Variants in CACNB4 observed in about 807,000 individuals in gnomAD.
CACNB4 encodes calcium voltage-gated channel auxiliary subunit beta 4, also known as voltage-dependent L-type calcium channel subunit beta-4.
Under a neutral mutation model 71.2 loss-of-function variants are expected in CACNB4, and 32 were observed. That is an observed-to-expected ratio of 0.45 (90% confidence interval 0.34 to 0.60). The LOEUF (loss-of-function observed/expected upper bound fraction) is 0.60, where lower values mean the gene tolerates loss of function less well. CACNB4 is among the 20% of genes least tolerant of loss of function. The pLI, the probability that CACNB4 is intolerant of heterozygous loss-of-function variation, is 0.01. For synonymous variants in CACNB4, 231 were observed against 236.9 expected (o/e 0.97, Z 0.23); for missense variants, 464 against 647.9 (o/e 0.72, Z 3.08).
In CACNB4 at chr2:152,098,583, C is replaced by T; in HGVS notation, c.64-170G>A. On this transcript the variant is annotated intron_variant, in intron 1 of 13. Coordinates refer to ENST00000539935, the MANE Select transcript of CACNB4 (RefSeq NM_000726.5). This position sits in a 1 kb window ranked among gnomAD's most constrained non-coding sequence, Gnocchi z 5.3. The stretch of plus-strand genomic sequence containing the variant: ...AATACAGCCCCCACCCCCACCCACC[C>T]ACTGCAAGCCTCGACTGCTGAAAAG... 1 of 1,018,186 alleles carries T rather than the reference C, an allele frequency of 9.8e-7. No homozygotes were observed. The highest frequency in any genetic ancestry group is 1.5e-6 in the Non-Finnish European group (1 of 659,028). The allele number at this position is 1,018,186 out of a possible 1,614,324, so 63.1% of individuals were successfully genotyped here. A position where few individuals can be genotyped will look rare whatever the true frequency, so the allele number is the denominator to read the frequency against.
intron 2 of CACNB4, among the ~76,000 whole-genome samples, chr2:151,888,700 G>A (rs1578654134): frequency 6.6e-6 from 1 of 152,162 alleles, no homozygotes; most frequent in African/African-American, 2.4e-5. Flanking sequence ...AGAACGCTGA[G>A]CATCAGTCAG....
chr2:152,003,301 C>T (rs1682531743), intron 2 of CACNB4, among the ~76,000 whole-genome samples: 1 of 152,064 alleles, frequency 6.6e-6, no homozygotes, highest in Admixed American at 6.5e-5. Flanking sequence ...AAAAAATTAG[C>T]CGGGCCTGGT....
chr2:151,982,610 A>C (rs187985940), intron 2 of CACNB4, among the ~76,000 whole-genome samples: 5 of 149,182 alleles, frequency 3.4e-5, no homozygotes, highest in Non-Finnish European at 7.4e-5. Flanking sequence ...TCCAGCCTGG[A>C]CGACAGAGCG....
chr2:151,942,302 T>C (rs112324492), intron 2 of CACNB4, among the ~76,000 whole-genome samples: 3,141 of 149,310 alleles, frequency 0.021, 557 homozygotes, highest in African/African-American at 0.076. Context: ...TTCATTTTAA[T>C]ATGGACATTT....
intron 2 of CACNB4, among the ~76,000 whole-genome samples, chr2:152,073,035 C>T (rs899202237): frequency 2.0e-4 from 30 of 152,214 alleles, no homozygotes; most frequent in African/African-American, 6.0e-4. Flanking sequence ...CTTGAACTTA[C>T]GCTTTTGCTG....
intron 2 of CACNB4, 162 bp from the exon 3 acceptor site, chr2:151,883,532 G>A (rs2099848515): frequency 2.9e-6 from 2 of 681,588 alleles, no homozygotes; most frequent in East Asian, 5.5e-5. Flanking sequence ...ATATAGTTAA[G>A]CATCTGAGTT....
chr2:151,961,356 G>A (rs2099869598), intron 2 of CACNB4, among the ~76,000 whole-genome samples: 1 of 152,172 alleles, frequency 6.6e-6, no homozygotes, highest in Non-Finnish European at 1.5e-5. Flanking sequence ...AGCCCTCTTA[G>A]CTTAGCTTCT....
chr2:151,983,483 T>C (rs2099875070), intron 2 of CACNB4, among the ~76,000 whole-genome samples: 2 of 152,306 alleles, frequency 1.3e-5, no homozygotes, highest in South Asian at 4.1e-4. Context: ...CAGAAGTGAT[T>C]CTTGCATCAA....
chr2:151,960,906 A>G (rs2099869489), intron 2 of CACNB4, among the ~76,000 whole-genome samples: 1 of 152,238 alleles, frequency 6.6e-6, no homozygotes, highest in South Asian at 2.1e-4. Context: ...TGCACATATC[A>G]TACATGTAGA....
At chr2:152,051,250 CT>C (rs199907302) in intron 2 of CACNB4, among the ~76,000 whole-genome samples, 129 of 151,720 alleles carry the variant, frequency 8.5e-4, no homozygotes, top group African/African-American at 2.9e-3. Context: ...TTACTATCAA[CT>C]TTTTTTTTGA....
Position 151,973,596 on chromosome 2 carries a change from C to CGGGG in CACNB4, c.148-90230_148-90227dup. On this transcript the variant is annotated intron_variant, in intron 2 of 13. Coordinates refer to ENST00000539935, the MANE Select transcript of CACNB4 (RefSeq NM_000726.5). Reference sequence around the variant, plus strand: ...CCTGCGTTGCCTAAGAAATAAGAAGCGGGGGGGTGGAGGGGATAGTGGGAG... The same window carrying CGGGG: ...CCTGCGTTGCCTAAGAAATAAGAAGCGGGGGGGGGGGTGGAGGGGATAGTGGGAG... The CGGGG allele has an allele frequency of 5.2e-6, 7 of 1,356,108 alleles. No individual in the cohort carries two copies. The African/African-American group carries it at 5.8e-5, about 11-fold the overall frequency. The allele number at this position is 1,356,108 out of a possible 1,614,324, so 84.0% of individuals were successfully genotyped here. A position where few individuals can be genotyped will look rare whatever the true frequency, so the allele number is the denominator to read the frequency against.
At chr2:151,925,483 T>C (rs1176463521) in intron 2 of CACNB4, among the ~76,000 whole-genome samples, 1 of 152,174 alleles carries the variant, frequency 6.6e-6, no homozygotes, top group Non-Finnish European at 1.5e-5. Flanking sequence ...CAAGTTAATG[T>C]TTTTGCTGCT....
At chr2:151,878,550 T>TACATAC (rs1553758251) in intron 4 of CACNB4, among the ~76,000 whole-genome samples, 2 of 129,878 alleles carry the variant, frequency 1.5e-5, no homozygotes, top group African/African-American at 5.8e-5. Context: ...AGACCCTGTC[T>TACATAC]ACACACACAC....
chr2:151,900,991 C>CT (rs869114252), intron 2 of CACNB4, among the ~76,000 whole-genome samples: 344 of 9,030 alleles, frequency 0.038, 3 homozygotes, highest in African/African-American at 0.085. Flanking sequence ...TTCTTTCTTT[C>CT]TTTTTTTTTT....
intron 2 of CACNB4, among the ~76,000 whole-genome samples, chr2:152,069,319 G>T (rs1334319167): frequency 6.6e-6 from 1 of 152,000 alleles, no homozygotes; most frequent in Non-Finnish European, 1.5e-5. Flanking sequence ...CAGAAACATG[G>T]GATAAAACAA....
intron 2 of CACNB4, among the ~76,000 whole-genome samples, chr2:151,996,639 A>G (rs944800959): frequency 6.6e-6 from 1 of 152,168 alleles, no homozygotes; most frequent in Non-Finnish European, 1.5e-5. Flanking sequence ...ATAGCCCAAT[A>G]TCCCCTCCTG....
chr2:151,869,503 C>T (rs1339309024), intron 8 of CACNB4: 4 of 339,482 alleles, frequency 1.2e-5, no homozygotes, highest in East Asian at 1.0e-4. Flanking sequence ...CCTCTTCCCT[C>T]GTTAGGGGAT....
chr2:152,048,599 C>A (rs1685256078), intron 2 of CACNB4: 1 of 152,272 alleles, frequency 6.6e-6, no homozygotes, highest in African/African-American at 2.4e-5. Context: ...TTATTCTTTG[C>A]CAATAAGGAT....
intron 2 of CACNB4, among the ~76,000 whole-genome samples, chr2:152,019,423 TC>T (rs1683533114): frequency 6.6e-6 from 1 of 152,164 alleles, no homozygotes; most frequent in African/African-American, 2.4e-5. Flanking sequence ...GGGAAATTAT[TC>T]TCAGATTTTG....
Sources: allele counts gnomAD v4.1 joint callset (sites outside exome capture counted in the v4.1 genomes callset), GRCh38; gene constraint gnomAD v4.1.1; non-coding constraint Gnocchi (gnomAD v3.1); transcripts MANE v1.5; gene names NCBI Gene and HGNC (gene_info 2026-07-23, HGNC 2026-07-21).